Variants in GRID2 observed in about 807,000 individuals in gnomAD.
The protein encoded by GRID2 is glutamate receptor ionotropic, delta-2.
GRID2 carries 33 observed loss-of-function variants against 114.8 expected under a neutral mutation model. The observed-to-expected ratio is 0.29, with a 90% CI of 0.22 to 0.38. GRID2 has a LOEUF of 0.38. Ranked by LOEUF, GRID2 falls within the 10% of genes least tolerant of loss-of-function variation. The pLI, the probability that GRID2 is intolerant of heterozygous loss-of-function variation, is 1.00. For synonymous variants in GRID2, 505 were observed against 449.9 expected (o/e 1.12, Z -1.55); for missense variants, 1,184 against 1,257.7 (o/e 0.94, Z 0.89).
chr4:93,653,472 A>G (rs188912473), intron 14 of GRID2, among the ~76,000 whole-genome samples: 33 of 152,290 alleles, frequency 2.2e-4, no homozygotes, highest in Admixed American at 5.9e-4. Flanking sequence ...GGCACATTCT[A>G]TAATACCTAT....
chr4:93,733,885 C>T (rs990215462), intron 14 of GRID2, among the ~76,000 whole-genome samples: 1 of 152,008 alleles, frequency 6.6e-6, no homozygotes, highest in Non-Finnish European at 1.5e-5. Context: ...TGCCCCAGGC[C>T]ACAGAGCAAG....
At chr4:92,982,973 CA>C in intron 2 of GRID2, among the ~76,000 whole-genome samples, 1 of 151,858 alleles carries the variant, frequency 6.6e-6, no homozygotes, top group East Asian at 2.0e-4. Flanking sequence ...TTGCCAATGC[CA>C]AAAAATAGAA....
intron 4 of GRID2, among the ~76,000 whole-genome samples, chr4:93,156,351 A>G (rs1737184933): frequency 6.6e-6 from 1 of 151,854 alleles, no homozygotes; most frequent in Non-Finnish European, 1.5e-5. Flanking sequence ...TAGCAAGAGA[A>G]CTATATGATC....
intron 10 of GRID2, among the ~76,000 whole-genome samples, chr4:93,427,250 GA>G (rs1768941158): frequency 6.6e-6 from 1 of 151,792 alleles, no homozygotes; most frequent in Admixed American, 6.6e-5. Flanking sequence ...CAAACTTTAT[GA>G]GGTGTATTTA....
At chr4:93,729,663 A>G (rs577593335) in intron 14 of GRID2, among the ~76,000 whole-genome samples, 1 of 151,892 alleles carries the variant, frequency 6.6e-6, no homozygotes, top group Admixed American at 6.6e-5. Flanking sequence ...CTCCTCCCTC[A>G]GCCTCCCGAG....
chr4:92,909,111 C>T, intron 2 of GRID2, among the ~76,000 whole-genome samples: 1 of 151,962 alleles, frequency 6.6e-6, no homozygotes, highest in East Asian at 1.9e-4. Context: ...GAGTGATATA[C>T]CTTATCATAT....
At chr4:92,563,612 G>A (rs1460927709) in intron 1 of GRID2, among the ~76,000 whole-genome samples, 1 of 151,828 alleles carries the variant, frequency 6.6e-6, no homozygotes, top group Admixed American at 6.6e-5. Context: ...TTTAATGACT[G>A]CCTAGTATAT....
chr4:93,116,706 C>T (rs17020195), intron 4 of GRID2, among the ~76,000 whole-genome samples: 7,845 of 151,616 alleles, frequency 0.052, 270 homozygotes, highest in African/African-American at 0.09. Flanking sequence ...TCTTAGTTTC[C>T]GGCCTTGCTG....
At chr4:93,713,658 G>C (rs952281026) in intron 14 of GRID2, among the ~76,000 whole-genome samples, 24 of 152,000 alleles carry the variant, frequency 1.6e-4, no homozygotes, top group African/African-American at 4.8e-4. Flanking sequence ...TGACAAGCAG[G>C]GTGCTTTTTT....
At chr4:92,700,885 G>C (rs1734641429) in intron 2 of GRID2, among the ~76,000 whole-genome samples, 2 of 151,904 alleles carry the variant, frequency 1.3e-5, no homozygotes, top group Non-Finnish European at 2.9e-5. Context: ...CCAGCTACGC[G>C]GGAGGCTGAG....
intron 14 of GRID2, among the ~76,000 whole-genome samples, chr4:93,732,794 G>A (rs1197181841): frequency 6.6e-6 from 1 of 151,980 alleles, no homozygotes; most frequent in Non-Finnish European, 1.5e-5. Flanking sequence ...TTTGAAAAAG[G>A]CAGCTTCTCA....
At chr4:93,107,994 T>C (rs1732411809) in intron 3 of GRID2, among the ~76,000 whole-genome samples, 1 of 152,178 alleles carries the variant, frequency 6.6e-6, no homozygotes. Flanking sequence ...TCCATCCAGC[T>C]TCATGTCTCA....
chr4:92,695,580 T>G (rs1398588426), intron 2 of GRID2, among the ~76,000 whole-genome samples: 2 of 151,906 alleles, frequency 1.3e-5, no homozygotes. Flanking sequence ...TGTGATAATG[T>G]GAAAAAAAAA....
At chr4:93,348,947 G>T (rs1286102733) in intron 8 of GRID2, among the ~76,000 whole-genome samples, 2 of 152,154 alleles carry the variant, frequency 1.3e-5, no homozygotes, top group Non-Finnish European at 2.9e-5. Flanking sequence ...GGCAGGGCCT[G>T]CCTTCTTGGC....
At chr4:92,575,802 G>T (rs562525867) in intron 1 of GRID2, among the ~76,000 whole-genome samples, 95 of 152,290 alleles carry the variant, frequency 6.2e-4, no homozygotes, top group African/African-American at 2.2e-3. Flanking sequence ...TGAGATATTT[G>T]AACAGCCAAG....
intron 14 of GRID2, among the ~76,000 whole-genome samples, chr4:93,659,581 T>G (rs1723306882): frequency 2.6e-5 from 4 of 152,200 alleles, no homozygotes; most frequent in Admixed American, 2.6e-4. Context: ...GAAGATTATA[T>G]TCCCTTTTTT....
At chr4:92,678,229 T>C (rs1235982510) in intron 2 of GRID2, among the ~76,000 whole-genome samples, 1 of 152,120 alleles carries the variant, frequency 6.6e-6, no homozygotes, top group Non-Finnish European at 1.5e-5. Context: ...GTACTTTTCT[T>C]AGTAATATTT....
At chr4:93,484,004 A>G (rs1003333059) in intron 11 of GRID2, among the ~76,000 whole-genome samples, 1 of 151,722 alleles carries the variant, frequency 6.6e-6, no homozygotes, top group African/African-American at 2.4e-5. Context: ...TCCTGACTCT[A>G]TGAAAATGCA....
At chr4:93,805,990 G>A (rs1046469605) in intron 1 of GRID2, among the ~76,000 whole-genome samples, 11 of 152,046 alleles carry the variant, frequency 7.2e-5, no homozygotes, top group Non-Finnish European at 7.4e-5. Flanking sequence ...CCAGCTACTC[G>A]GGAAGCTGAG....
Sources: gnomAD v4.1 joint callset for allele counts (sites outside exome capture counted in the v4.1 genomes callset) on GRCh38, gnomAD v4.1.1 for gene constraint, MANE v1.5 for transcripts, NCBI Gene and HGNC (gene_info 2026-07-23, HGNC 2026-07-21) for gene names.